Variants in USP47 observed in about 807,000 individuals in gnomAD.
The protein encoded by USP47 is ubiquitin carboxyl-terminal hydrolase 47.
A neutral mutation model predicts 165.1 loss-of-function variants in USP47; 35 were observed. That is an observed-to-expected ratio of 0.21 (90% confidence interval 0.16 to 0.28). The LOEUF (loss-of-function observed/expected upper bound fraction) is 0.28. Ranked by LOEUF, USP47 falls within the 10% of genes least tolerant of loss-of-function variation. The pLI is 1.00. For missense variants in USP47, 1,277 were observed against 1,607.4 expected (o/e 0.79, Z 3.52); for synonymous variants, 531 against 544.5 (o/e 0.98, Z 0.35).
At position 11,942,384 on chromosome 11, in the gene USP47, A is replaced by C. The variant is rs1311484403; in HGVS notation, c.2363A>C (p.Asp788Ala). 6.2e-7 allele frequency: 1 copy of C among 1,612,646 alleles called. No individual in the cohort carries two copies. Among genetic ancestry groups the C allele is most frequent in the South Asian group, 1.1e-5 (1 of 90,942 alleles). ...ETLDYQMAFA[D>A]SHLWKLLDRH... ...TTGGATTACCAGATGGCCTTTGCAG[A>C]CTCTCATTTATGGAAACTCCTGGAT... Residue 788 changes from aspartate to alanine, a missense_variant, in exon 20 of 28, where the codon GAC becomes GCC. Physicochemically the swap from Asp to Ala is moderately radical, Grantham distance 126 (BLOSUM62 -2). Transcript: ENST00000527733.
chr11:11,903,050 C>T (rs1852327814), intron 6 of USP47, among the ~76,000 whole-genome samples, 190 bp downstream of exon 6: 1 of 152,054 alleles, frequency 6.6e-6, no homozygotes, highest in African/African-American at 2.4e-5. Context: ...TATTGTAGCA[C>T]CATAAAGCAT....
At chr11:11,855,251 T>C (rs1848971758) in intron 1 of USP47, among the ~76,000 whole-genome samples, 1 of 152,248 alleles carries the variant, frequency 6.6e-6, no homozygotes, top group Admixed American at 6.5e-5. Flanking sequence ...ATTTCTTGTT[T>C]ATTAGGATTC....
At chr11:11,945,785 T>C (rs1201658490) in intron 20 of USP47, among the ~76,000 whole-genome samples, 46 of 151,678 alleles carry the variant, frequency 3.0e-4, no homozygotes, top group Admixed American at 3.0e-3. Context: ...AAAAATTTTT[T>C]TAATTAGCCA....
At chr11:11,882,170 C>G (rs1327158655) in intron 2 of USP47, among the ~76,000 whole-genome samples, 1 of 152,170 alleles carries the variant, frequency 6.6e-6, no homozygotes, top group Non-Finnish European at 1.5e-5. Context: ...GATTAAAAAT[C>G]TAAGACAAGC....
intron 1 of USP47, chr11:11,873,941 G>A (rs1456261788): frequency 4.4e-5 from 35 of 791,896 alleles, no homozygotes; most frequent in Non-Finnish European, 9.0e-6. Flanking sequence ...TAATATCAAG[G>A]CATGTCTTAA....
chr11:11,931,165 A>G (rs1382652033), intron 14 of USP47, among the ~76,000 whole-genome samples: 11 of 151,706 alleles, frequency 7.3e-5, no homozygotes, highest in Admixed American at 5.9e-4. Flanking sequence ...GTGTTTGCTC[A>G]TAGTCTTTTC....
intron 8 of USP47, among the ~76,000 whole-genome samples, chr11:11,911,206 A>AAT (rs1241187422): frequency 2.6e-5 from 4 of 152,198 alleles, no homozygotes; most frequent in African/African-American, 9.7e-5. Flanking sequence ...GACTGAAAAA[A>AAT]ATATATATCC....
At chr11:11,860,160 T>C (rs1425601219) in intron 1 of USP47, among the ~76,000 whole-genome samples, 2 of 134,130 alleles carry the variant, frequency 1.5e-5, no homozygotes, top group East Asian at 3.9e-4. Flanking sequence ...TATTTATTTA[T>C]TTTTTTGAGA....
intron 1 of USP47, among the ~76,000 whole-genome samples, chr11:11,860,705 T>C (rs571052605): frequency 6.6e-6 from 1 of 152,250 alleles, no homozygotes; most frequent in South Asian, 2.1e-4. Flanking sequence ...ACAGAGGAAA[T>C]CTTAGCTGTA....
At position 11,905,529 on chromosome 11, in the gene USP47, G is replaced by T. The variant is rs769781045; in HGVS notation, c.950G>T (p.Ser317Ile). 1 of 1,607,046 alleles carries T rather than the reference G, an allele frequency of 6.2e-7. No homozygotes were observed. Among genetic ancestry groups the T allele is most frequent in the Admixed American group, 1.7e-5 (1 of 59,634 alleles). ...TTGGTCATCCGACCTTATGGGTCCA[G>T]CCAAGCATTTGCTAGTGTGGTGTGT... ...IPLVIRPYGS[S>I]QAFASVEEAL... Residue 317 changes from serine to isoleucine, a missense_variant, in exon 8 of 28, where the codon AGC becomes ATC. Around this residue, in one of 4 missense-constraint regions of USP47, gnomAD observed 175 missense variants for 295.8 expected, o/e 0.59. Coordinates refer to ENST00000527733, the MANE Select transcript of USP47 (RefSeq NM_001282659.2).
intron 1 of USP47, among the ~76,000 whole-genome samples, chr11:11,850,102 GTTT>G (rs1021133426): frequency 2.3e-4 from 35 of 151,498 alleles, no homozygotes; most frequent in Non-Finnish European, 1.5e-5. Context: ...TTATATGTCT[GTTT>G]TTTTAATTCA....
intron 5 of USP47, among the ~76,000 whole-genome samples, chr11:11,901,222 TAGAA>T (rs1239954311): frequency 2.0e-5 from 3 of 152,162 alleles, no homozygotes; most frequent in East Asian, 3.9e-4. Context: ...AACACTCTAA[TAGAA>T]AGCCATTCCC....
intron 17 of USP47, among the ~76,000 whole-genome samples, chr11:11,937,002 T>C (rs1855120347): frequency 2.0e-5 from 3 of 151,914 alleles, no homozygotes; most frequent in Admixed American, 2.0e-4. Flanking sequence ...TCATCCTCTC[T>C]ATTTCTACAG....
chr11:11,894,348 C>T (rs532859640), intron 4 of USP47, among the ~76,000 whole-genome samples: 69 of 151,990 alleles, frequency 4.5e-4, no homozygotes, highest in African/African-American at 1.0e-3. Context: ...CCCAGCTACT[C>T]GGGAGGCTGA....
At position 11,949,978 on chromosome 11, in the gene USP47, A is replaced by G. The variant is rs779977530; in HGVS notation, c.3438A>G (p.Gln1146=). Residue 1146 remains glutamine, a synonymous_variant, in exon 23 of 28, where the codon CAA becomes CAG. Transcript: ENST00000527733. ...KEELIPQLRE[Q]CGLELSIDRF... ...AATTAATTCCTCAGCTCAGGGAGCA[A>G]TGTGGTTTAGAGCTCAGTATTGACA... is the stretch of plus-strand genomic sequence containing the variant. 22 of 1,612,438 alleles carry G rather than the reference A, an allele frequency of 1.4e-5. No homozygotes were observed. The South Asian group carries it at 2.1e-4, about 15-fold the overall frequency.
intron 1 of USP47, among the ~76,000 whole-genome samples, chr11:11,877,785 CTCTT>C (rs1208894633): frequency 6.1e-5 from 8 of 131,168 alleles, no homozygotes; most frequent in South Asian, 2.6e-4. Flanking sequence ...CTCTCTCTCT[CTCTT>C]TCTCTCTCTC....
At chr11:11,888,491 G>T (rs1424583821) in intron 3 of USP47, among the ~76,000 whole-genome samples, 1 of 152,110 alleles carries the variant, frequency 6.6e-6, no homozygotes, top group Admixed American at 6.5e-5. Context: ...ACCGTTCCAA[G>T]ACTGAACTAG....
intron 20 of USP47, among the ~76,000 whole-genome samples, chr11:11,944,576 G>C (rs1855697652): frequency 6.6e-6 from 1 of 152,084 alleles, no homozygotes; most frequent in African/African-American, 2.4e-5. Flanking sequence ...GTGTGAAATT[G>C]ATATTGTTAG....
At position 11,891,977 on chromosome 11, in the gene USP47, A is replaced by G. The variant is rs61729667; in HGVS notation, c.367A>G (p.Ser123Gly). 3.3e-4 allele frequency: 533 copies of G among 1,611,850 alleles called. No homozygotes were observed. The highest frequency in any genetic ancestry group is 3.2e-3 in the African/African-American group (242 of 74,886). The stretch of plus-strand genomic sequence containing the variant: ...ATATGTTGCATTTTAGGAGGATTCC[A>G]GTGCTGGGGAAGACAGTGTTCATGA... ...EQPQILLEDS[S>G]AGEDSVHDRF... is the part of the protein sequence containing the mutation. Residue 123 changes from serine (S) to glycine (G), a missense_variant, in exon 4 of 28, where the codon AGT (serine) becomes GGT (glycine). Physicochemically the swap from Ser to Gly is moderately conservative, Grantham distance 56. Around this residue, in one of 4 missense-constraint regions of USP47, gnomAD observed 181 missense variants for 194.7 expected, o/e 0.93. Transcript: ENST00000527733.
Sources: allele counts gnomAD v4.1 joint callset (sites outside exome capture counted in the v4.1 genomes callset), GRCh38; gene constraint gnomAD v4.1.1; regional missense constraint gnomAD v4.1.1; transcripts MANE v1.5; gene names NCBI Gene and HGNC (gene_info 2026-07-23, HGNC 2026-07-21).